LGSN: variants seen among roughly 807,000 people sequenced by gnomAD.
The protein encoded by LGSN is lengsin.
In LGSN, 21 loss-of-function variants were observed where a neutral mutation model predicts 19.5. The observed-to-expected ratio is 1.07, with a 90% confidence interval of 0.76 to 1.55. The LOEUF is 1.55. Ranked by LOEUF, LGSN falls within the 40% of genes most tolerant of loss-of-function variation. The pLI, the probability that LGSN is intolerant of heterozygous loss-of-function variation, is 0.00. For missense variants in LGSN, 673 were observed against 608.5 expected, an observed-to-expected ratio of 1.11 and a Z score of -1.12; for synonymous variants, 257 against 215.6, an observed-to-expected ratio of 1.19 and a Z score of -1.68.
chr6:63,486,371 C>A, the LGSN span, among the ~76,000 whole-genome samples: 1 of 152,188 alleles, frequency 6.6e-6, no homozygotes, highest in Non-Finnish European at 1.5e-5. Flanking sequence ...AGATCCTGAA[C>A]AGCAGTCACA....
At chr6:63,489,694 A>G in the LGSN span, among the ~76,000 whole-genome samples, 2 of 150,820 alleles carry the variant, frequency 1.3e-5, no homozygotes, top group African/African-American at 4.9e-5. Flanking sequence ...TCATTTATTT[A>G]TTTACTTATT....
At chr6:63,385,689 A>G in the LGSN span, among the ~76,000 whole-genome samples, 3 of 152,176 alleles carry the variant, frequency 2.0e-5, no homozygotes, top group South Asian at 6.2e-4. Context: ...TTAGACTCTC[A>G]ATTGTCCCCT....
At chr6:63,482,248 T>C in the LGSN span, among the ~76,000 whole-genome samples, 2 of 152,216 alleles carry the variant, frequency 1.3e-5, no homozygotes, top group Non-Finnish European at 2.9e-5. Flanking sequence ...TTAGTTCAAA[T>C]TTCTATCTTC....
chr6:63,325,547 T>C, the LGSN span, among the ~76,000 whole-genome samples: 1 of 152,152 alleles, frequency 6.6e-6, no homozygotes, highest in Non-Finnish European at 1.5e-5. Flanking sequence ...AAGGAATAAA[T>C]AGAAAACCTG....
chr6:63,437,083 G>A, the LGSN span, among the ~76,000 whole-genome samples: 3 of 136,478 alleles, frequency 2.2e-5, no homozygotes, highest in Non-Finnish European at 3.2e-5. Flanking sequence ...GAGGGGAGGG[G>A]AAGGGAAGGG....
the LGSN span, among the ~76,000 whole-genome samples, chr6:63,417,796 C>A: frequency 6.6e-6 from 1 of 152,082 alleles, no homozygotes; most frequent in Non-Finnish European, 1.5e-5. Context: ...GTGTAAAGAC[C>A]CATCCATGTA....
At chr6:63,547,812 A>AG in the LGSN span, among the ~76,000 whole-genome samples, 1 of 151,802 alleles carries the variant, frequency 6.6e-6, no homozygotes, top group African/African-American at 2.4e-5. Context: ...CGCCCGGCCC[A>AG]GGGGGGGATT....
chr6:63,538,114 GC>G, the LGSN span, among the ~76,000 whole-genome samples: 1 of 152,164 alleles, frequency 6.6e-6, no homozygotes, highest in African/African-American at 2.4e-5. Flanking sequence ...AAATGTACAT[GC>G]AAATTTTTAG....
chr6:63,304,146 T>C (rs890801078), intron 1 of LGSN, among the ~76,000 whole-genome samples: 1 of 152,218 alleles, frequency 6.6e-6, no homozygotes, highest in Non-Finnish European at 1.5e-5. Context: ...GAAGGGCCAG[T>C]GTAGGCTAGG....
the LGSN span, among the ~76,000 whole-genome samples, chr6:63,397,451 G>GA: frequency 3.6e-3 from 456 of 127,204 alleles, 1 homozygote; most frequent in East Asian, 6.6e-3. Context: ...CGGCTTGGGA[G>GA]AAAAAAAAAA....
chr6:63,481,209 G>T, the LGSN span, among the ~76,000 whole-genome samples: 3 of 152,056 alleles, frequency 2.0e-5, no homozygotes, highest in Non-Finnish European at 4.4e-5. Context: ...GTGACCTTGA[G>T]ACTCAGAAGG....
At chr6:63,540,584 C>A in the LGSN span, among the ~76,000 whole-genome samples, 1 of 151,718 alleles carries the variant, frequency 6.6e-6, no homozygotes, top group South Asian at 2.1e-4. Flanking sequence ...TTGCTCCACT[C>A]ACTGCACTCC....
chr6:63,441,915 T>C, the LGSN span: 2 of 239,910 alleles, frequency 8.3e-6, no homozygotes, highest in Admixed American at 5.3e-5. Flanking sequence ...TTGGTCTTGC[T>C]GACTTCCAGA....
chr6:63,298,034 A>G (rs1768047023), intron 1 of LGSN, among the ~76,000 whole-genome samples: 1 of 152,186 alleles, frequency 6.6e-6, no homozygotes, highest in Non-Finnish European at 1.5e-5. Context: ...CGCTCTGAAC[A>G]TATTCTTGTT....
In LGSN at chr6:63,280,433, CTG is replaced by C. The variant is rs1767251088; in HGVS notation, c.1116_1117del (p.Asp372GlufsTer16). 6.2e-7 allele frequency: 1 copy of C among 1,614,054 alleles called. No homozygotes were observed. Among genetic ancestry groups the C allele is most frequent in the South Asian group, 1.1e-5 (1 of 91,092 alleles). ...AGGCACACTCTTCTTCAGGTCTTTCCTGTCCTTGGAATAACGCTTTCGGCAGC... is the reference window on the plus strand; with the variant it reads ...AGGCACACTCTTCTTCAGGTCTTTCCTCCTTGGAATAACGCTTTCGGCAGC... On this transcript the variant is annotated frameshift_variant, in exon 4 of 4. Transcript: ENST00000370657. LOFTEE classifies it low-confidence loss of function (END_TRUNC).
At chr6:63,571,517 TAA>T in the LGSN span, 6 of 152,170 alleles carry the variant, frequency 3.9e-5, no homozygotes, top group Non-Finnish European at 7.3e-5. Flanking sequence ...ATGAAGTCAG[TAA>T]AAGAGGACTG....
At chr6:63,360,224 G>A in the LGSN span, among the ~76,000 whole-genome samples, 1 of 152,066 alleles carries the variant, frequency 6.6e-6, no homozygotes, top group Admixed American at 6.6e-5. Flanking sequence ...TGCTAGATTG[G>A]GACAGTTCTC....
the LGSN span, among the ~76,000 whole-genome samples, chr6:63,352,199 A>C: frequency 2.0e-5 from 3 of 152,266 alleles, no homozygotes; most frequent in Non-Finnish European, 2.9e-5. Context: ...ATGCTTGTAT[A>C]ACATCAAAAC....
chr6:63,412,655 G>A, the LGSN span, among the ~76,000 whole-genome samples: 6 of 115,124 alleles, frequency 5.2e-5, no homozygotes, highest in Admixed American at 5.1e-4. Flanking sequence ...GGGAAGGAAG[G>A]GAAGGAAAGG....
Sources: allele counts gnomAD v4.1 joint callset (sites outside exome capture counted in the v4.1 genomes callset), GRCh38; gene constraint gnomAD v4.1.1; transcripts MANE v1.5; gene names NCBI Gene and HGNC (gene_info 2026-07-23, HGNC 2026-07-21).